SCN8A: variants seen among roughly 807,000 people sequenced by gnomAD.
The protein encoded by SCN8A is sodium channel protein type 8 subunit alpha.
Under a neutral mutation model 184.1 loss-of-function variants are expected in SCN8A, and 30 were observed. The observed-to-expected ratio is 0.16, with a 90% CI of 0.12 to 0.22. SCN8A has a LOEUF of 0.22. Ranked by LOEUF, SCN8A falls within the 10% of genes least tolerant of loss-of-function variation. The pLI, the probability that SCN8A is intolerant of heterozygous loss-of-function variation, is 1.00. For synonymous variants in SCN8A, 852 were observed against 907.0 expected (o/e 0.94, Z 1.09); for missense variants, 1,057 against 2,498.9 (o/e 0.42, Z 12.30).
At chr12:51,723,223 C>T (rs1942097686) in intron 12 of SCN8A, 1 of 152,248 alleles carries the variant, frequency 6.6e-6, no homozygotes, top group Non-Finnish European at 1.5e-5. Context: ...GTGGCTCGCA[C>T]CTGTAATCCC....
At chr12:51,698,303 C>G (rs1256131379) in intron 6 of SCN8A, among the ~76,000 whole-genome samples, 1 of 152,188 alleles carries the variant, frequency 6.6e-6, no homozygotes, top group Non-Finnish European at 1.5e-5. Context: ...AGTGGCATAA[C>G]TTAGTTAAGA....
chr12:51,646,572 G>A (rs368595097), intron 1 of SCN8A, among the ~76,000 whole-genome samples: 34 of 152,186 alleles, frequency 2.2e-4, no homozygotes, highest in Admixed American at 4.6e-4. Context: ...AAAACTTTGC[G>A]AGAAGAAATG....
chr12:51,779,675 G>C (rs1297636643), intron 20 of SCN8A, among the ~76,000 whole-genome samples: 3 of 152,074 alleles, frequency 2.0e-5, no homozygotes, highest in Non-Finnish European at 2.9e-5. Context: ...CTTGTGTACG[G>C]GTCTCAATTT....
chr12:51,721,738 C>A lies in SCN8A; in HGVS notation c.1828C>A (p.Arg610Ser), dbSNP rs917515945. The A allele has an allele frequency of 4.4e-6, 7 of 1,603,388 alleles. No homozygotes were observed. Among genetic ancestry groups the A allele is most frequent in the Admixed American group, 1.7e-5 (1 of 57,638 alleles). The change falls in exon 12 of 27, where the codon CGC becomes AGC. Residue 610 changes from arginine to serine, a missense_variant. Around this residue, in one of 19 missense-constraint regions of SCN8A, gnomAD observed 322 missense variants for 390.1 expected, o/e 0.83. Coordinates refer to ENST00000627620, the MANE Select transcript of SCN8A (RefSeq NM_001330260.2). ...CTTCATCCCCATCCGGGCCCGCGAG[C>A]GCCGGAGCAGCTACAGCGGCTACAG... ...SLFIPIRARE[R>S]RSSYSGYSGY...
intron 11 of SCN8A, among the ~76,000 whole-genome samples, chr12:51,711,355 A>G (rs576897438): frequency 6.6e-6 from 1 of 152,364 alleles, no homozygotes; most frequent in South Asian, 2.1e-4. Context: ...GTAAATTCCT[A>G]GAGGCCAAGG....
chr12:51,663,024 C>T lies in SCN8A; in HGVS notation c.207C>T (p.Tyr69=), dbSNP rs532501146. ...CAGGGAAGAGTTTGCCTTTCATCTA[C>T]GGGGACATCCCCCAAGGCCTGGTTG... ...LEAGKSLPFI[Y]GDIPQGLVAV... Residue 69 remains tyrosine, a synonymous_variant, in exon 2 of 27, where the codon TAC becomes TAT. Transcript: ENST00000627620. The T allele has an allele frequency of 1.1e-4, 183 of 1,613,914 alleles. 2 individuals carry two copies. The highest frequency in any genetic ancestry group is 1.4e-4 in the Non-Finnish European group (161 of 1,179,898).
At chr12:51,741,166 T>A (rs1305008359) in intron 12 of SCN8A, among the ~76,000 whole-genome samples, 1 of 152,230 alleles carries the variant, frequency 6.6e-6, no homozygotes, top group East Asian at 1.9e-4. Flanking sequence ...ATATTTATAA[T>A]TGCTATATCC....
chr12:51,633,344 A>G (rs1940241482), intron 1 of SCN8A, among the ~76,000 whole-genome samples: 1 of 152,220 alleles, frequency 6.6e-6, no homozygotes, highest in South Asian at 2.1e-4. Flanking sequence ...TAGCATCTTC[A>G]TGGTTCTGTG....
intron 26 of SCN8A, among the ~76,000 whole-genome samples, chr12:51,798,027 C>T (rs1277394651): frequency 6.6e-6 from 1 of 152,128 alleles, no homozygotes; most frequent in Non-Finnish European, 1.5e-5. Flanking sequence ...CCCATGAATC[C>T]TGGCTATGGG....
chr12:51,761,846 A>G (rs1942767137), intron 14 of SCN8A, among the ~76,000 whole-genome samples: 1 of 152,082 alleles, frequency 6.6e-6, no homozygotes, highest in Admixed American at 6.5e-5. Context: ...GTGTAGCAAC[A>G]TGGATAGACT....
intron 1 of SCN8A, among the ~76,000 whole-genome samples, chr12:51,597,537 A>G (rs117754492): frequency 0.011 from 1,651 of 152,270 alleles, 14 homozygotes; most frequent in Non-Finnish European, 0.016. Flanking sequence ...GATCATTAGC[A>G]TTTCTACCAG....
chr12:51,723,969 G>C (rs1942116083), intron 12 of SCN8A, among the ~76,000 whole-genome samples: 1 of 152,182 alleles, frequency 6.6e-6, no homozygotes, highest in African/African-American at 2.4e-5. Context: ...GATAGAGCCA[G>C]AATCTCAGAC....
intron 1 of SCN8A, among the ~76,000 whole-genome samples, chr12:51,625,622 C>T (rs78398729): frequency 0.029 from 4,449 of 152,228 alleles, 107 homozygotes; most frequent in South Asian, 0.14. Context: ...TCACCCCTCC[C>T]CCTCTTTTGT....
intron 14 of SCN8A, among the ~76,000 whole-genome samples, chr12:51,761,766 G>C (rs1942765917): frequency 6.6e-6 from 1 of 152,106 alleles, no homozygotes; most frequent in South Asian, 2.1e-4. Context: ...TGGGATTACA[G>C]GAGTGAGCCA....
chr12:51,743,429 A>T (rs1181863856), intron 12 of SCN8A, among the ~76,000 whole-genome samples: 2 of 152,230 alleles, frequency 1.3e-5, no homozygotes, highest in Non-Finnish European at 2.9e-5. Context: ...AGATTCATAG[A>T]AATACCACCT....
In SCN8A at chr12:51,804,319, T is replaced by C. The variant is rs189850730; in HGVS notation, c.4796-1963T>C. 2.7e-4 allele frequency among the ~76,000 whole-genome samples: 41 copies of C among 152,124 alleles called. No homozygotes were observed. In the East Asian group the frequency reaches 6.9e-3, roughly 26 times the overall value. ...TGCTGATACTGGTTTCTTTTCTTTTTCTCTTTTCTTTTTTTTTTTTTTTTA... is the reference window on the plus strand; with the variant it reads ...TGCTGATACTGGTTTCTTTTCTTTTCCTCTTTTCTTTTTTTTTTTTTTTTA... On this transcript the variant is annotated intron_variant, in intron 26 of 26. Transcript: ENST00000627620.
chr12:51,725,824 A>G (rs550376255), intron 12 of SCN8A, among the ~76,000 whole-genome samples: 1 of 152,316 alleles, frequency 6.6e-6, no homozygotes, highest in African/African-American at 2.4e-5. Flanking sequence ...ACAGATGAAA[A>G]TTAATACCTC....
intron 20 of SCN8A, among the ~76,000 whole-genome samples, chr12:51,779,377 C>T (rs948953197): frequency 1.3e-5 from 2 of 152,170 alleles, no homozygotes; most frequent in South Asian, 2.1e-4. Context: ...GAGAAAGCAT[C>T]GTGGTAACTG....
At chr12:51,727,912 T>C (rs1045195837) in intron 12 of SCN8A, among the ~76,000 whole-genome samples, 1 of 152,076 alleles carries the variant, frequency 6.6e-6, no homozygotes, top group Non-Finnish European at 1.5e-5. Flanking sequence ...ATTGCACCAC[T>C]GTACTCCAGT....
Sources: allele counts gnomAD v4.1 joint callset (sites outside exome capture counted in the v4.1 genomes callset), GRCh38; gene constraint gnomAD v4.1.1; regional missense constraint gnomAD v4.1.1; transcripts MANE v1.5; gene names NCBI Gene and HGNC (gene_info 2026-07-23, HGNC 2026-07-21).